The following MACROD2 variants were observed in gnomAD, a reference collection of about 807,000 sequenced individuals.
MACROD2 encodes ADP-ribose glycohydrolase MACROD2.
MACROD2 carries 36 observed loss-of-function variants against 70.4 expected under a neutral mutation model. The ratio of observed to expected loss-of-function variants is 0.51; its 90% confidence interval spans 0.39 to 0.68. The LOEUF is 0.68. MACROD2 is among the 30% of genes least tolerant of loss of function. MACROD2 has a pLI of 0.00. For missense variants in MACROD2, 496 were observed against 538.4 expected, an observed-to-expected ratio of 0.92 and a Z score of 0.78; for synonymous variants, 172 against 178.8, an observed-to-expected ratio of 0.96 and a Z score of 0.30.
intron 5 of MACROD2, among the ~76,000 whole-genome samples, chr20:14,882,705 G>T (rs1166030908): frequency 6.6e-6 from 1 of 152,190 alleles, no homozygotes; most frequent in East Asian, 1.9e-4. Flanking sequence ...CCGTTAAGTT[G>T]AATAGATCAG....
intron 10 of MACROD2, among the ~76,000 whole-genome samples, chr20:15,890,183 G>A (rs188320616): frequency 1.3e-4 from 20 of 152,250 alleles, no homozygotes; most frequent in African/African-American, 3.9e-4. Flanking sequence ...TAAAATATTA[G>A]TACTTTAGGG....
chr20:15,755,043 G>A (rs927412359), intron 8 of MACROD2, among the ~76,000 whole-genome samples: 3 of 152,118 alleles, frequency 2.0e-5, no homozygotes, highest in African/African-American at 7.2e-5. Context: ...ATTTTTCATA[G>A]AGATGAGGTT....
chr20:14,080,032 G>A (rs1005401242), intron 2 of MACROD2, among the ~76,000 whole-genome samples: 4 of 152,116 alleles, frequency 2.6e-5, no homozygotes, highest in African/African-American at 9.7e-5. Context: ...GGCAGGTCCA[G>A]GAAGCTTAGG....
At chr20:14,299,547 AT>A (rs1358182511) in intron 3 of MACROD2, among the ~76,000 whole-genome samples, 2 of 152,124 alleles carry the variant, frequency 1.3e-5, no homozygotes, top group Non-Finnish European at 2.9e-5. Flanking sequence ...TAACAACAAA[AT>A]ATTTAGAATA....
chr20:15,200,083 C>G (rs1161329600), intron 5 of MACROD2, among the ~76,000 whole-genome samples: 2 of 152,030 alleles, frequency 1.3e-5, no homozygotes, highest in Admixed American at 1.3e-4. Flanking sequence ...CTTTCAAGAA[C>G]CTGCCTCCAA....
At chr20:15,025,548 G>T (rs1416307515) in intron 5 of MACROD2, among the ~76,000 whole-genome samples, 1 of 73,822 alleles carries the variant, frequency 1.4e-5, no homozygotes, top group Non-Finnish European at 3.1e-5. Flanking sequence ...CATCCTCAGG[G>T]GCTCCTGATA....
intron 7 of MACROD2, among the ~76,000 whole-genome samples, chr20:15,481,345 T>G (rs1330044097): frequency 6.6e-6 from 1 of 152,236 alleles, no homozygotes; most frequent in Non-Finnish European, 1.5e-5. Flanking sequence ...AATGACTGAA[T>G]GACTGATGTG....
At chr20:14,655,955 C>A (rs1171005506) in intron 4 of MACROD2, among the ~76,000 whole-genome samples, 1 of 152,194 alleles carries the variant, frequency 6.6e-6, no homozygotes, top group African/African-American at 2.4e-5. Context: ...CTGATTCTCA[C>A]TCCCTGGAAA....
chr20:15,144,661 A>G (rs2076217616), intron 5 of MACROD2, among the ~76,000 whole-genome samples: 1 of 152,208 alleles, frequency 6.6e-6, no homozygotes, highest in Non-Finnish European at 1.5e-5. Flanking sequence ...AAAAATAATC[A>G]GGTAAATGTC....
intron 4 of MACROD2, among the ~76,000 whole-genome samples, chr20:14,596,854 T>A (rs1478723244): frequency 6.6e-6 from 1 of 152,164 alleles, no homozygotes; most frequent in Non-Finnish European, 1.5e-5. Context: ...TGTTTGTACA[T>A]GGGGTTTGTA....
At chr20:14,989,424 G>A (rs549439271) in intron 5 of MACROD2, among the ~76,000 whole-genome samples, 1 of 152,238 alleles carries the variant, frequency 6.6e-6, no homozygotes, top group East Asian at 1.9e-4. Flanking sequence ...GAAAATAGTG[G>A]AAGTACACAG....
chr20:14,381,633 G>A (rs1298813888), intron 3 of MACROD2, among the ~76,000 whole-genome samples: 1 of 152,152 alleles, frequency 6.6e-6, no homozygotes, highest in African/African-American at 2.4e-5. Context: ...GATAGTAGTA[G>A]CAGTAAAAAA....
chr20:14,258,509 T>A (rs2082075972), intron 3 of MACROD2, among the ~76,000 whole-genome samples: 1 of 152,230 alleles, frequency 6.6e-6, no homozygotes, highest in Non-Finnish European at 1.5e-5. Context: ...GCTATTTGTA[T>A]ATCTTCTTTT....
chr20:14,138,231 A>G (rs2148703996), intron 3 of MACROD2, among the ~76,000 whole-genome samples: 1 of 152,298 alleles, frequency 6.6e-6, no homozygotes, highest in South Asian at 2.1e-4. Context: ...TAGAACTCCT[A>G]TATGATCCAG....
intron 5 of MACROD2, among the ~76,000 whole-genome samples, chr20:14,953,793 A>G (rs941066468): frequency 2.0e-5 from 3 of 152,114 alleles, no homozygotes; most frequent in African/African-American, 7.2e-5. Flanking sequence ...TACAAATTGC[A>G]AATTAGGGTC....
chr20:15,238,668 T>C (rs175303), intron 6 of MACROD2, among the ~76,000 whole-genome samples: 42,811 of 152,064 alleles, frequency 0.28, 6,253 homozygotes, highest in African/African-American at 0.34. Context: ...CTTTTTGCTT[T>C]ATTTCATCTA....
chr20:15,487,523 C>A (rs1455160474), intron 7 of MACROD2, among the ~76,000 whole-genome samples: 1 of 152,134 alleles, frequency 6.6e-6, no homozygotes, highest in Admixed American at 6.6e-5. Context: ...TCATCTCTGT[C>A]TCAATCAGCA....
At chr20:14,044,080 G>A (rs2053431887) in intron 2 of MACROD2, among the ~76,000 whole-genome samples, 1 of 152,190 alleles carries the variant, frequency 6.6e-6, no homozygotes, top group African/African-American at 2.4e-5. Context: ...GACCCTCGCG[G>A]TGAGTGTTAC....
intron 15 of MACROD2, among the ~76,000 whole-genome samples, chr20:16,040,036 G>A (rs1189677080): frequency 6.6e-6 from 1 of 151,650 alleles, no homozygotes; most frequent in East Asian, 1.9e-4. Flanking sequence ...TGCAAAACTT[G>A]TTTGATATCT....
Sources: allele counts gnomAD v4.1 joint callset (sites outside exome capture counted in the v4.1 genomes callset), GRCh38; gene constraint gnomAD v4.1.1; transcripts MANE v1.5; gene names NCBI Gene and HGNC (gene_info 2026-07-23, HGNC 2026-07-21).